Variants in RAD51B observed in about 807,000 individuals in gnomAD.
The protein encoded by RAD51B is DNA repair protein RAD51 homolog 2.
Under a neutral mutation model 42.2 loss-of-function variants are expected in RAD51B, and 38 were observed. The observed-to-expected ratio is 0.90, with a 90% CI of 0.70 to 1.18. The LOEUF (loss-of-function observed/expected upper bound fraction) is 1.18, where lower values mean the gene tolerates loss of function less well. Among genes scored for constraint, RAD51B ranks in the 50% most tolerant of loss-of-function variants. The pLI is 0.00. For synonymous variants in RAD51B, 154 were observed against 145.2 expected, an observed-to-expected ratio of 1.06 and a Z score of -0.43; for missense variants, 373 against 400.7, an observed-to-expected ratio of 0.93 and a Z score of 0.59.
intron 8 of RAD51B, among the ~76,000 whole-genome samples, chr14:68,406,775 T>C (rs1416743856): frequency 3.3e-5 from 5 of 152,270 alleles, no homozygotes; most frequent in Admixed American, 3.3e-4. Context: ...ATACAAACAT[T>C]GCATAGCTGT....
chr14:68,323,975 C>T (rs1034529128), intron 8 of RAD51B, among the ~76,000 whole-genome samples: 10 of 152,106 alleles, frequency 6.6e-5, no homozygotes, highest in African/African-American at 2.2e-4. Flanking sequence ...ATTGTGAGTC[C>T]TTAGAAGCTA....
At chr14:68,425,975 T>TCTTTCTTTCTTTCTTTCTTCCTTC (rs1555407995) in intron 9 of RAD51B, among the ~76,000 whole-genome samples, 83 of 85,912 alleles carry the variant, frequency 9.7e-4, no homozygotes, top group Non-Finnish European at 1.3e-3. Context: ...TTTCTTTCTT[T>TCTTTCTTTCTTTCTTTCTTCCTTC]CTTCCTTCCT....
At chr14:68,398,495 A>G (rs1209169245) in intron 8 of RAD51B, among the ~76,000 whole-genome samples, 2 of 152,104 alleles carry the variant, frequency 1.3e-5, no homozygotes, top group Admixed American at 1.3e-4. Context: ...GGCCTTAATG[A>G]GGGTCTCTGA....
At chr14:67,989,984 CT>C (rs1459007642) in intron 7 of RAD51B, among the ~76,000 whole-genome samples, 3 of 142,790 alleles carry the variant, frequency 2.1e-5, no homozygotes, top group African/African-American at 2.6e-5. Flanking sequence ...AGTGATTTTA[CT>C]TTTAACATCT....
At chr14:68,015,977 A>G (rs1595261038) in intron 7 of RAD51B, among the ~76,000 whole-genome samples, 2 of 152,106 alleles carry the variant, frequency 1.3e-5, no homozygotes, top group African/African-American at 2.4e-5. Flanking sequence ...ATTATTTTCT[A>G]TCTTTCTTTT....
At chr14:68,197,066 GA>G (rs1281714372) in intron 7 of RAD51B, among the ~76,000 whole-genome samples, 2 of 152,162 alleles carry the variant, frequency 1.3e-5, no homozygotes, top group Admixed American at 6.5e-5. Flanking sequence ...GAAATGCAAT[GA>G]TTTTTTTTAA....
chr14:68,004,332 C>CA (rs767211363), intron 7 of RAD51B, among the ~76,000 whole-genome samples: 1,106 of 56,658 alleles, frequency 0.02, 10 homozygotes, highest in East Asian at 0.031. Flanking sequence ...GACTCCGTCT[C>CA]AAAAAAAAAA....
chr14:68,563,045 G>T (rs745776990), intron 10 of RAD51B: 1 of 985,454 alleles, frequency 1.0e-6, no homozygotes, highest in Non-Finnish European at 1.2e-6. Context: ...CACCCTGGCC[G>T]CTTCTCTAGC....
intron 11 of RAD51B, among the ~76,000 whole-genome samples, chr14:68,678,696 G>T (rs888649301): frequency 7.2e-5 from 11 of 152,164 alleles, no homozygotes; most frequent in African/African-American, 2.4e-4. Flanking sequence ...GGCCGTGAGG[G>T]TTTCAGGGGC....
intron 7 of RAD51B, among the ~76,000 whole-genome samples, chr14:68,208,216 T>G (rs1206485900): frequency 6.6e-6 from 1 of 152,190 alleles, no homozygotes; most frequent in Non-Finnish European, 1.5e-5. Flanking sequence ...TTTTATAAAT[T>G]GGGTTGGATC....
At chr14:68,196,769 G>A (rs4584756) in intron 7 of RAD51B, among the ~76,000 whole-genome samples, 3,804 of 151,988 alleles carry the variant, frequency 0.025, 177 homozygotes, top group African/African-American at 0.088. Context: ...TACAATACCT[G>A]GTATAGTCCT....
intron 7 of RAD51B, among the ~76,000 whole-genome samples, chr14:67,890,505 C>T (rs1401372654): frequency 1.3e-5 from 2 of 151,550 alleles, no homozygotes; most frequent in African/African-American, 4.8e-5. Context: ...TACATGTGCA[C>T]AATGTGCAGG....
At chr14:68,483,013 G>A (rs2140266898), downstream of RAD51B, among the ~76,000 whole-genome samples, 1 of 152,188 alleles carries the variant, frequency 6.6e-6, no homozygotes, top group African/African-American at 2.4e-5. Context: ...AGTTGCCACA[G>A]TAGGGGAAGG....
At chr14:68,323,348 A>G (rs2082190920) in intron 8 of RAD51B, among the ~76,000 whole-genome samples, 1 of 152,094 alleles carries the variant, frequency 6.6e-6, no homozygotes, top group Admixed American at 6.5e-5. Flanking sequence ...CATTCAGCAA[A>G]CCTTTACTCA....
chr14:68,326,931 C>T (rs1209833601), intron 8 of RAD51B, among the ~76,000 whole-genome samples: 1 of 151,916 alleles, frequency 6.6e-6, no homozygotes, highest in Non-Finnish European at 1.5e-5. Flanking sequence ...GACCTTCCAT[C>T]AAGAGGCACA....
chr14:68,545,850 G>A (rs147438993), intron 10 of RAD51B, among the ~76,000 whole-genome samples: 1 of 152,156 alleles, frequency 6.6e-6, no homozygotes, highest in East Asian at 1.9e-4. Flanking sequence ...TAAGACTTTT[G>A]CTTGCCAATT....
intron 7 of RAD51B, among the ~76,000 whole-genome samples, chr14:68,073,858 C>A (rs1216524851): frequency 6.6e-6 from 1 of 152,178 alleles, no homozygotes; most frequent in African/African-American, 2.4e-5. Context: ...GGCCTCCATA[C>A]TCTTCTGGCT....
chr14:68,592,330 T>A (rs1890789405), intron 10 of RAD51B, among the ~76,000 whole-genome samples: 1 of 151,854 alleles, frequency 6.6e-6, no homozygotes, highest in South Asian at 2.1e-4. Flanking sequence ...GGAAAAATAC[T>A]GAGTGGCCCC....
At chr14:68,538,916 C>T (rs1887798090) in intron 10 of RAD51B, among the ~76,000 whole-genome samples, 2 of 152,164 alleles carry the variant, frequency 1.3e-5, no homozygotes, top group Admixed American at 1.3e-4. Flanking sequence ...GTTTGTCACC[C>T]TTGATTTACA....
Sources: gnomAD v4.1 joint callset for allele counts (sites outside exome capture counted in the v4.1 genomes callset) on GRCh38, gnomAD v4.1.1 for gene constraint, MANE v1.5 for transcripts, NCBI Gene and HGNC (gene_info 2026-07-23, HGNC 2026-07-21) for gene names.